Variants in POR observed in about 807,000 individuals in gnomAD.
POR encodes the protein NADPH--cytochrome P450 reductase.
POR carries 56 observed loss-of-function variants against 84.0 expected under a neutral mutation model. That is an observed-to-expected ratio of 0.67 (90% CI 0.54 to 0.83). The LOEUF is 0.83. POR is among the 40% of genes least tolerant of loss of function. The probability of loss-of-function intolerance (pLI) is 0.00; values close to 1 mark genes in which losing one functional copy is unlikely to be tolerated. For synonymous variants in POR, 414 were observed against 400.5 expected (o/e 1.03, Z -0.40); for missense variants, 938 against 944.3 (o/e 0.99, Z 0.09).
chr7:75,920,270 G>A (rs1806791246), intron 1 of POR, among the ~76,000 whole-genome samples: 3 of 151,546 alleles, frequency 2.0e-5, no homozygotes, highest in Non-Finnish European at 2.9e-5. Context: ...AGGTTTCACT[G>A]TGTTGGCCAG....
At chr7:75,926,022 TTC>T (rs61236921) in intron 1 of POR, among the ~76,000 whole-genome samples, 13 of 148,940 alleles carry the variant, frequency 8.7e-5, no homozygotes, top group East Asian at 1.9e-4. Context: ...TCTTTCTCTT[TTC>T]TCTCTCTTTT....
At chr7:75,951,062 G>GCCCCCCC (rs782347388) in intron 1 of POR, among the ~76,000 whole-genome samples, 12 of 14,254 alleles carry the variant, frequency 8.4e-4, no homozygotes, top group Admixed American at 1.3e-3. Context: ...CTGTCCCCCG[G>GCCCCCCC]CCCCCCCCCC....
chr7:75,984,994 CACCCCGCCGTTTTCCGAGCTCCGTG>C (rs1789328792), intron 11 of POR, 36 bp downstream of exon 11: 1 of 1,576,282 alleles, frequency 6.3e-7, no homozygotes, highest in African/African-American at 1.3e-5. Flanking sequence ...TCCGCCCCGT[CACCCCGCCGTTTTCCGAGCTCCGTG>C]GGCCCCAATC....
chr7:75,947,740 G>T (rs926966824), intron 1 of POR, among the ~76,000 whole-genome samples: 2 of 152,120 alleles, frequency 1.3e-5, no homozygotes, highest in African/African-American at 4.8e-5. Context: ...AGTGTGTGCT[G>T]GGGAGGGGAT....
At chr7:75,934,108 G>A (rs1807554402) in intron 1 of POR, among the ~76,000 whole-genome samples, 2 of 132,124 alleles carry the variant, frequency 1.5e-5, no homozygotes, top group South Asian at 5.0e-4. Context: ...TTTTTTCCTG[G>A]TCCAAGACCT....
chr7:75,958,349 C>T (rs1292299053), intron 2 of POR, among the ~76,000 whole-genome samples: 2 of 152,044 alleles, frequency 1.3e-5, no homozygotes, highest in African/African-American at 4.8e-5. Flanking sequence ...AACTCCTGGG[C>T]TCAAGCAGTC....
chr7:75,965,281 C>T (rs1328648281), intron 2 of POR, among the ~76,000 whole-genome samples: 1 of 146,474 alleles, frequency 6.8e-6, no homozygotes, highest in Non-Finnish European at 1.5e-5. Flanking sequence ...AGAGAAAGGG[C>T]TCCAAGCCAG....
chr7:75,954,650 C>T (rs1434317938), intron 2 of POR, among the ~76,000 whole-genome samples: 1 of 152,052 alleles, frequency 6.6e-6, no homozygotes, highest in African/African-American at 2.4e-5. Context: ...GGCAGTCTTC[C>T]CACCTCAGCC....
At chr7:75,974,620 G>A (rs545689284) in intron 3 of POR, among the ~76,000 whole-genome samples, 1 of 142,916 alleles carries the variant, frequency 7.0e-6, no homozygotes, top group African/African-American at 2.6e-5. Flanking sequence ...TCCACCTCCC[G>A]GGTTCAAGCA....
chr7:75,978,288 G>A (rs1788789566), intron 3 of POR, among the ~76,000 whole-genome samples: 1 of 152,180 alleles, frequency 6.6e-6, no homozygotes, highest in South Asian at 2.1e-4. Context: ...TTCAACTGCA[G>A]ACTGAAAATA....
intron 3 of POR, among the ~76,000 whole-genome samples, chr7:75,977,070 C>G (rs1788729543): frequency 6.6e-6 from 1 of 152,150 alleles, no homozygotes; most frequent in African/African-American, 2.4e-5. Context: ...CCAGGCTGGT[C>G]TCAAACTCCT....
At chr7:75,984,291 G>A (rs375389779) in intron 10 of POR, among the ~76,000 whole-genome samples, 13 of 152,146 alleles carry the variant, frequency 8.5e-5, no homozygotes, top group Non-Finnish European at 2.9e-5. Flanking sequence ...TAGCCATTAC[G>A]CGGGGCTGCC....
intron 8 of POR, among the ~76,000 whole-genome samples, chr7:75,982,576 T>C (rs557214176): frequency 6.6e-6 from 1 of 152,328 alleles, no homozygotes; most frequent in East Asian, 1.9e-4. Context: ...ACTTCTCGAC[T>C]AGGACAGTGC....
intron 2 of POR, among the ~76,000 whole-genome samples, chr7:75,968,490 GATGGA>G (rs1457998175): frequency 1.3e-5 from 2 of 152,234 alleles, no homozygotes; most frequent in Non-Finnish European, 2.9e-5. Flanking sequence ...GAGGTCCTCC[GATGGA>G]ATGGAGCCCA....
At position 75,985,580 on chromosome 7, in the gene POR, T is replaced by A. The variant is rs1554559050; in HGVS notation, c.1400T>A (p.Val467Asp). ...GAGCTCACACGGCCCTCCCCACAGG[T>A]CCACCCCAACTCTGTGCACATCTGT... is the stretch of plus-strand genomic sequence containing the variant. The change falls in exon 13 of 16, where the codon GTC becomes GAC. Residue 467 changes from valine (V) to aspartate (D), a missense_variant and splice_region_variant. Transcript: ENST00000461988. 2.0e-6 allele frequency: 3 copies of A among 1,536,250 alleles called. No individual in the cohort carries two copies. The highest frequency in any genetic ancestry group is 2.6e-6 in the Non-Finnish European group (3 of 1,136,572).
At chr7:75,919,198 A>C (rs1806728243) in intron 1 of POR, among the ~76,000 whole-genome samples, 1 of 151,984 alleles carries the variant, frequency 6.6e-6, no homozygotes, top group Non-Finnish European at 1.5e-5. Context: ...ATATTCTCTT[A>C]CTGCCTAATA....
intron 7 of POR, 199 bp downstream of exon 7, chr7:75,981,805 C>A: frequency 1.7e-6 from 1 of 594,482 alleles, no homozygotes; most frequent in East Asian, 2.8e-5. Flanking sequence ...CGGGGTGCAT[C>A]CCACCTCTCG....
intron 2 of POR, among the ~76,000 whole-genome samples, chr7:75,955,656 C>G (rs1787654587): frequency 6.6e-6 from 1 of 152,196 alleles, no homozygotes; most frequent in African/African-American, 2.4e-5. Flanking sequence ...ATTCTCAGAC[C>G]AGAACCCCTT....
intron 3 of POR, among the ~76,000 whole-genome samples, chr7:75,979,161 C>A (rs1788856042): frequency 6.6e-6 from 1 of 152,230 alleles, no homozygotes; most frequent in Non-Finnish European, 1.5e-5. Flanking sequence ...AGGGGCTATA[C>A]ATTTGGTTAC....
Sources: allele counts gnomAD v4.1 joint callset (sites outside exome capture counted in the v4.1 genomes callset), GRCh38; gene constraint gnomAD v4.1.1; transcripts MANE v1.5; gene names NCBI Gene and HGNC (gene_info 2026-07-23, HGNC 2026-07-21).